Variants in BMPER observed in about 807,000 individuals in gnomAD.
BMPER encodes BMP binding endothelial regulator.
In BMPER, 45 loss-of-function variants were observed where a neutral mutation model predicts 87.3. That is an observed-to-expected ratio of 0.52 (90% CI 0.41 to 0.66). The LOEUF (loss-of-function observed/expected upper bound fraction) is 0.66. Ranked by LOEUF, BMPER falls within the 30% of genes least tolerant of loss-of-function variation. The pLI is 0.00. For synonymous variants in BMPER, 326 were observed against 316.2 expected, an observed-to-expected ratio of 1.03 and a Z score of -0.33; for missense variants, 784 against 867.5, an observed-to-expected ratio of 0.90 and a Z score of 1.21.
At chr7:34,108,077 C>A (rs1251728612) in intron 13 of BMPER, among the ~76,000 whole-genome samples, 1 of 152,130 alleles carries the variant, frequency 6.6e-6, no homozygotes, top group Non-Finnish European at 1.5e-5. Flanking sequence ...AAATAAATAC[C>A]TTTTCAGATT....
intron 13 of BMPER, among the ~76,000 whole-genome samples, chr7:34,122,000 G>A (rs572905717): frequency 6.6e-6 from 1 of 151,060 alleles, no homozygotes; most frequent in Non-Finnish European, 1.5e-5. Context: ...GTACATGCCT[G>A]TGGTCCCAGC....
intron 3 of BMPER, among the ~76,000 whole-genome samples, chr7:33,944,983 C>T (rs1317828059): frequency 6.6e-6 from 1 of 152,160 alleles, no homozygotes; most frequent in Non-Finnish European, 1.5e-5. Flanking sequence ...GCTCTGTCAC[C>T]CAGGCTGGAG....
chr7:34,099,788 T>A (rs897366290), intron 13 of BMPER, among the ~76,000 whole-genome samples: 2 of 152,228 alleles, frequency 1.3e-5, no homozygotes, highest in Non-Finnish European at 1.5e-5. Flanking sequence ...TAGTAACAGT[T>A]TCTAAAGAAA....
intron 6 of BMPER, among the ~76,000 whole-genome samples, chr7:34,015,462 A>G (rs1296447557): frequency 1.3e-5 from 2 of 151,914 alleles, no homozygotes; most frequent in Non-Finnish European, 2.9e-5. Flanking sequence ...ACCTATTGGA[A>G]TTTGAGGTTA....
intron 3 of BMPER, among the ~76,000 whole-genome samples, chr7:33,956,075 A>G (rs561348049): frequency 1.3e-5 from 2 of 152,340 alleles, no homozygotes; most frequent in African/African-American, 4.8e-5. Flanking sequence ...TATACATCAT[A>G]TGATTAGGTC....
chr7:33,939,748 A>G (rs886065275), intron 3 of BMPER, among the ~76,000 whole-genome samples: 3 of 152,082 alleles, frequency 2.0e-5, no homozygotes, highest in East Asian at 1.9e-4. Context: ...ACCTTTTGCC[A>G]TGATTGTAAC....
intron 6 of BMPER, among the ~76,000 whole-genome samples, chr7:34,043,620 C>T (rs954371344): frequency 6.6e-6 from 1 of 152,102 alleles, no homozygotes; most frequent in African/African-American, 2.4e-5. Context: ...TCAACCTTAG[C>T]AGGGGTGGGG....
At chr7:34,079,782 A>G (rs1481806622) in intron 12 of BMPER, among the ~76,000 whole-genome samples, 2 of 152,142 alleles carry the variant, frequency 1.3e-5, no homozygotes, top group Non-Finnish European at 2.9e-5. Context: ...GTTCTATGCC[A>G]CCGAGGCCCC....
intron 6 of BMPER, among the ~76,000 whole-genome samples, chr7:33,991,608 G>C (rs1426708643): frequency 6.5e-4 from 99 of 152,120 alleles, no homozygotes; most frequent in Middle Eastern, 3.4e-3. Context: ...TTTTGTGTCT[G>C]TATTTCCTTC....
Position 33,946,420 on chromosome 7 carries a change from C to A in BMPER, c.319+9032C>A, listed in dbSNP as rs187915579. ...GGGAAGGCTTTCCAGAAGAGCAATG[C>A]GTTTTTATGAACAAGTAAAAGGTAA... On this transcript the variant is annotated intron_variant, in intron 3 of 14. Coordinates refer to ENST00000649409, the MANE Select transcript of BMPER (RefSeq NM_001365308.1). 2.6e-5 allele frequency among the ~76,000 whole-genome samples: 4 copies of A among 152,260 alleles called. No individual in the cohort carries two copies. The East Asian group carries it at 7.7e-4, about 29-fold the overall frequency.
chr7:33,919,881 C>T (rs1032268099), intron 2 of BMPER, among the ~76,000 whole-genome samples: 1 of 151,942 alleles, frequency 6.6e-6, no homozygotes, highest in African/African-American at 2.4e-5. Flanking sequence ...ACCTGTTAGT[C>T]CTTGACTGTG....
chr7:34,073,015 A>C (rs1399336404), intron 11 of BMPER, among the ~76,000 whole-genome samples: 1 of 152,070 alleles, frequency 6.6e-6, no homozygotes, highest in Admixed American at 6.5e-5. Context: ...TATTCAGTTA[A>C]TCGATTAGGC....
intron 12 of BMPER, among the ~76,000 whole-genome samples, chr7:34,085,065 C>T (rs1789162560): frequency 6.6e-6 from 1 of 152,148 alleles, no homozygotes; most frequent in African/African-American, 2.4e-5. Flanking sequence ...TGAGCAAACC[C>T]AGAACGGAGG....
chr7:34,103,506 C>T (rs7789889), intron 13 of BMPER, among the ~76,000 whole-genome samples: 24,173 of 152,032 alleles, frequency 0.16, 2,179 homozygotes, highest in Non-Finnish European at 0.2. Flanking sequence ...TAGCTAAGTC[C>T]GAGAGAAGAT....
chr7:34,117,952 T>C (rs1294315502), intron 13 of BMPER, among the ~76,000 whole-genome samples: 3 of 152,222 alleles, frequency 2.0e-5, no homozygotes, highest in African/African-American at 4.8e-5. Flanking sequence ...CTTGAATACA[T>C]TTCTTTGTTG....
chr7:33,925,045 C>T (rs576279307), intron 2 of BMPER, among the ~76,000 whole-genome samples: 1 of 152,174 alleles, frequency 6.6e-6, no homozygotes, highest in Non-Finnish European at 1.5e-5. Flanking sequence ...TTTCTCAGAG[C>T]CCTCCCTAGT....
intron 13 of BMPER, among the ~76,000 whole-genome samples, chr7:34,132,369 C>A (rs1306596332): frequency 6.6e-6 from 1 of 152,200 alleles, no homozygotes; most frequent in Non-Finnish European, 1.5e-5. Context: ...AGGATCGAAG[C>A]CAGTTCTGCC....
At chr7:34,058,426 T>C (rs556755684) in intron 10 of BMPER, among the ~76,000 whole-genome samples, 23 of 152,374 alleles carry the variant, frequency 1.5e-4, no homozygotes, top group Non-Finnish European at 2.9e-4. Context: ...CTCCAACTCC[T>C]GCAAGATCTC....
intron 3 of BMPER, among the ~76,000 whole-genome samples, chr7:33,948,039 T>A (rs1399339113): frequency 1.3e-5 from 2 of 152,228 alleles, no homozygotes; most frequent in Non-Finnish European, 2.9e-5. Flanking sequence ...GCCAGTCTGG[T>A]TGCTTACTTT....
Sources: gnomAD v4.1 joint callset for allele counts (sites outside exome capture counted in the v4.1 genomes callset) on GRCh38, gnomAD v4.1.1 for gene constraint, MANE v1.5 for transcripts, NCBI Gene and HGNC (gene_info 2026-07-23, HGNC 2026-07-21) for gene names.